The following CRADD variants were observed in gnomAD, a reference collection of about 807,000 sequenced individuals.
CRADD encodes death domain-containing protein CRADD.
In CRADD, 9 loss-of-function variants were observed where a neutral mutation model predicts 15.5. That is an observed-to-expected ratio of 0.58 (90% confidence interval 0.35 to 1.01). CRADD has a LOEUF of 1.01. CRADD is among the 50% of genes least tolerant of loss of function. The probability of loss-of-function intolerance (pLI) is 0.02; values close to 1 mark genes in which losing one functional copy is unlikely to be tolerated. For missense variants in CRADD, 227 were observed against 250.3 expected, an observed-to-expected ratio of 0.91 and a Z score of 0.63; for synonymous variants, 118 against 107.6, an observed-to-expected ratio of 1.10 and a Z score of -0.60.
At chr12:93,821,234 G>A (rs559302374) in intron 2 of CRADD, among the ~76,000 whole-genome samples, 16 of 152,202 alleles carry the variant, frequency 1.1e-4, no homozygotes, top group Non-Finnish European at 1.6e-4. Flanking sequence ...CCTGAGATGG[G>A]GCATGCCTGC....
chr12:93,713,189 T>C (rs565899563), intron 2 of CRADD, among the ~76,000 whole-genome samples: 1 of 152,056 alleles, frequency 6.6e-6, no homozygotes, highest in African/African-American at 2.4e-5. Context: ...TCAAAAGAGG[T>C]CTGTGCGGTA....
chr12:93,894,301 C>G (rs1281053300), exon 3 of CRADD: 2 of 600,966 alleles, frequency 3.3e-6, no homozygotes, highest in Admixed American at 2.8e-5. Context: ...ATGTTGGCAT[C>G]TAGTGAGTAG....
chr12:93,799,217 A>T (rs1431720721), intron 2 of CRADD, among the ~76,000 whole-genome samples: 1 of 152,214 alleles, frequency 6.6e-6, no homozygotes, highest in African/African-American at 2.4e-5. Context: ...TAAAACAACG[A>T]ATGTAACCTT....
At position 93,691,782 on chromosome 12, in the gene CRADD, G is replaced by A. The variant is rs551878707; in HGVS notation, c.298+12710G>A. On this transcript the variant is annotated intron_variant, in intron 2 of 2. Coordinates refer to ENST00000332896, the MANE Select transcript of CRADD (RefSeq NM_003805.5). ...CTGTCACACTAGCTGGTCTGTAAGA[G>A]CAGCCTACCTGGTAGCTAACTTCAA... Among the ~76,000 whole-genome samples the A allele has an allele frequency of 2.4e-4, 37 of 152,268 alleles. No homozygotes were observed. The East Asian group carries it at 6.6e-3, about 27-fold the overall frequency.
chr12:93,762,368 G>A (rs968405066), intron 2 of CRADD, among the ~76,000 whole-genome samples: 1 of 152,214 alleles, frequency 6.6e-6, no homozygotes, highest in Non-Finnish European at 1.5e-5. Flanking sequence ...GGAGAGATAT[G>A]TCTGGCTTTC....
At chr12:93,703,764 A>G (rs1323311798) in intron 2 of CRADD, among the ~76,000 whole-genome samples, 2 of 152,116 alleles carry the variant, frequency 1.3e-5, no homozygotes, top group African/African-American at 4.8e-5. Flanking sequence ...GCTTCCCCCA[A>G]TGATAATATC....
chr12:93,780,851 A>C (rs1034403461), intron 2 of CRADD, among the ~76,000 whole-genome samples: 2 of 106,260 alleles, frequency 1.9e-5, no homozygotes, highest in African/African-American at 7.1e-5. Context: ...AGTGATTCTC[A>C]TATCTCAGCC....
intron 2 of CRADD, among the ~76,000 whole-genome samples, chr12:93,745,164 G>A (rs1009536592): frequency 3.3e-5 from 5 of 152,120 alleles, no homozygotes; most frequent in African/African-American, 1.2e-4. Flanking sequence ...TTGTGGTGAC[G>A]GGAGGGCACA....
At chr12:93,803,461 T>A (rs931711653) in intron 2 of CRADD, among the ~76,000 whole-genome samples, 13 of 152,076 alleles carry the variant, frequency 8.5e-5, no homozygotes, top group Non-Finnish European at 1.5e-4. Context: ...AGAAAAAAAA[T>A]ATCTACTGTA....
At chr12:93,794,510 C>T (rs1957391754) in intron 2 of CRADD, among the ~76,000 whole-genome samples, 1 of 152,112 alleles carries the variant, frequency 6.6e-6, no homozygotes, top group Admixed American at 6.6e-5. Context: ...CACATCCAGC[C>T]TATCACTATG....
At chr12:93,801,151 ATT>A (rs912208142) in intron 2 of CRADD, among the ~76,000 whole-genome samples, 1 of 152,164 alleles carries the variant, frequency 6.6e-6, no homozygotes, top group African/African-American at 2.4e-5. Flanking sequence ...ATGATCATAG[ATT>A]GATTGGAGGT....
intron 2 of CRADD, chr12:93,790,838 T>C (rs1361192335): frequency 6.6e-6 from 1 of 151,594 alleles, no homozygotes; most frequent in Non-Finnish European, 1.5e-5. Context: ...AATCATCTAC[T>C]TAAAAAAATC....
chr12:93,820,082 C>T (rs980658427), intron 2 of CRADD, among the ~76,000 whole-genome samples: 6 of 152,254 alleles, frequency 3.9e-5, no homozygotes, highest in Admixed American at 1.3e-4. Context: ...CATCAGCCCC[C>T]TTTGATGCTT....
At chr12:93,749,651 T>C (rs1956808679) in intron 2 of CRADD, among the ~76,000 whole-genome samples, 1 of 152,216 alleles carries the variant, frequency 6.6e-6, no homozygotes, top group African/African-American at 2.4e-5. Flanking sequence ...TTAAAGAATA[T>C]GTGAGCAGTC....
chr12:93,733,943 C>T (rs7967391), intron 2 of CRADD, among the ~76,000 whole-genome samples: 5,621 of 152,128 alleles, frequency 0.037, 319 homozygotes, highest in African/African-American at 0.12. Flanking sequence ...TGCCATGTTG[C>T]CCAGGCTGGT....
intron 2 of CRADD, among the ~76,000 whole-genome samples, chr12:93,808,915 C>A (rs1286580048): frequency 6.6e-6 from 1 of 152,078 alleles, no homozygotes; most frequent in East Asian, 1.9e-4. Flanking sequence ...AATTTGACTT[C>A]TTTTTTTCTT....
At chr12:93,679,422 G>A (rs780601160) in intron 2 of CRADD, among the ~76,000 whole-genome samples, 11 of 152,286 alleles carry the variant, frequency 7.2e-5, no homozygotes, top group Middle Eastern at 6.8e-3. Flanking sequence ...GATTACAGAC[G>A]TGAGCCACCA....
chr12:93,737,570 G>A (rs947244651), intron 2 of CRADD: 4 of 152,304 alleles, frequency 2.6e-5, no homozygotes, highest in South Asian at 4.1e-4. Flanking sequence ...TCAAACAAAT[G>A]CAACCATAAA....
intron 2 of CRADD, among the ~76,000 whole-genome samples, chr12:93,893,789 C>T (rs549154636): frequency 5.9e-5 from 9 of 152,046 alleles, no homozygotes; most frequent in South Asian, 4.2e-4. Context: ...GCCTGTAATC[C>T]GAGCTACTCT....
Sources: gnomAD v4.1 joint callset for allele counts (sites outside exome capture counted in the v4.1 genomes callset) on GRCh38, gnomAD v4.1.1 for gene constraint, MANE v1.5 for transcripts, NCBI Gene and HGNC (gene_info 2026-07-23, HGNC 2026-07-21) for gene names.